The following SLC1A1 variants were observed in gnomAD, a reference collection of about 807,000 sequenced individuals.
SLC1A1 encodes the protein excitatory amino acid transporter 3.
A neutral mutation model predicts 53.3 loss-of-function variants in SLC1A1; 43 were observed. The observed-to-expected ratio is 0.81, with a 90% CI of 0.63 to 1.04. SLC1A1 has a LOEUF of 1.04. Among genes scored for constraint, SLC1A1 ranks in the 50% least tolerant of loss-of-function variants. The pLI is 0.00. For missense variants in SLC1A1, 748 were observed against 664.9 expected (o/e 1.12, Z -1.37); for synonymous variants, 307 against 243.2 (o/e 1.26, Z -2.44).
chr9:4,562,973 TG>T (rs1819107988), intron 3 of SLC1A1, among the ~76,000 whole-genome samples: 1 of 57,628 alleles, frequency 1.7e-5, no homozygotes, highest in African/African-American at 7.0e-5. Context: ...TGTTGTGGGG[TG>T]GGGGGAGGGG....
chr9:4,547,013 G>A (rs1225015718), intron 2 of SLC1A1, among the ~76,000 whole-genome samples: 3 of 152,196 alleles, frequency 2.0e-5, no homozygotes, highest in Admixed American at 6.5e-5. Flanking sequence ...CCCAAAACTC[G>A]AGGTAAAACA....
chr9:4,586,080 A>G lies in SLC1A1; in HGVS notation c.*522A>G, dbSNP rs1821549767. ...AACTTATCTCCAGCCAATTTCAAAGAAAACAGACCAGCATAGTTCTGCAAT... is the reference window on the plus strand; with the variant it reads ...AACTTATCTCCAGCCAATTTCAAAGGAAACAGACCAGCATAGTTCTGCAAT... On this transcript the variant is annotated 3_prime_UTR_variant, in exon 12 of 12. Transcript: ENST00000262352. 1 of 187,070 alleles carries G rather than the reference A, an allele frequency of 5.3e-6. No homozygotes were observed. Among genetic ancestry groups the G allele is most frequent in the Admixed American group, 5.4e-5 (1 of 18,402 alleles). 11.6% of individuals were successfully genotyped at this position (187,070 alleles called of 1,614,324 possible). A position where few individuals can be genotyped will look rare whatever the true frequency, so the allele number is the denominator to read the frequency against.
At chr9:4,510,094 A>G (rs1563999149) in intron 1 of SLC1A1, among the ~76,000 whole-genome samples, 1 of 152,304 alleles carries the variant, frequency 6.6e-6, no homozygotes, top group African/African-American at 2.4e-5. Flanking sequence ...TTGGCCTCCC[A>G]AAGTGCTGGG....
At chr9:4,506,210 G>C (rs1020679049) in intron 1 of SLC1A1, among the ~76,000 whole-genome samples, 1 of 152,190 alleles carries the variant, frequency 6.6e-6, no homozygotes, top group African/African-American at 2.4e-5. Context: ...ACCTGCCTCA[G>C]CCTCCCAAAG....
chr9:4,544,636 T>C lies in SLC1A1; in HGVS notation c.161T>C (p.Phe54Ser), dbSNP rs181233102. The C allele has an allele frequency of 4.3e-6, 7 of 1,613,762 alleles. No individual in the cohort carries two copies. In the Admixed American group the frequency reaches 1.2e-4, roughly 27 times the overall value. ...LSTLEKFYFA[F>S]PGEILMRMLK... ...ACTCTAGAGAAATTCTACTTTGCTT[T>C]TCCTGGAGAAATTCTAATGCGGATG... is the stretch of plus-strand genomic sequence containing the variant. Residue 54 changes from phenylalanine (F) to serine (S), a missense_variant, in exon 2 of 12, where the codon TTT (phenylalanine) becomes TCT (serine). Physicochemically the swap from Phe to Ser is radical, Grantham distance 155. Transcript: ENST00000262352.
intron 3 of SLC1A1, among the ~76,000 whole-genome samples, chr9:4,563,407 T>C (rs1439951001): frequency 1.3e-5 from 2 of 152,148 alleles, no homozygotes. Context: ...ACTGCTCTCT[T>C]ATTAGCTGGA....
intron 5 of SLC1A1, among the ~76,000 whole-genome samples, chr9:4,566,863 C>T (rs11792309): frequency 0.35 from 53,327 of 151,956 alleles, 10,162 homozygotes; most frequent in Middle Eastern, 0.51. Context: ...CAGCTGAGTC[C>T]ATCACAAACT....
intron 8 of SLC1A1, among the ~76,000 whole-genome samples, chr9:4,575,213 C>T (rs895890041): frequency 6.6e-6 from 1 of 152,094 alleles, no homozygotes; most frequent in Non-Finnish European, 1.5e-5. Context: ...TTTTTGATGG[C>T]CATTTCCTAT....
chr9:4,529,391 A>T (rs1816383886), intron 1 of SLC1A1, among the ~76,000 whole-genome samples: 1 of 152,176 alleles, frequency 6.6e-6, no homozygotes, highest in South Asian at 2.1e-4. Context: ...CCTTTGCAGT[A>T]GTCTTACGAA....
intron 1 of SLC1A1, among the ~76,000 whole-genome samples, chr9:4,507,690 G>A (rs1820850614): frequency 6.6e-6 from 1 of 152,140 alleles, no homozygotes; most frequent in African/African-American, 2.4e-5. Context: ...GAATGTTGTG[G>A]AGACCCAGGT....
intron 2 of SLC1A1, among the ~76,000 whole-genome samples, chr9:4,544,908 G>A (rs532082965): frequency 2.6e-5 from 4 of 152,318 alleles, no homozygotes; most frequent in African/African-American, 7.2e-5. Flanking sequence ...GTGGCAGGAA[G>A]GAGAAAGGCT....
intron 4 of SLC1A1, among the ~76,000 whole-genome samples, chr9:4,565,550 C>G (rs1396159459): frequency 2.0e-5 from 3 of 152,148 alleles, no homozygotes; most frequent in Non-Finnish European, 4.4e-5. Context: ...CACACACTTT[C>G]TAACAACCAG....
intron 10 of SLC1A1, among the ~76,000 whole-genome samples, chr9:4,581,033 A>G (rs796872807): frequency 1.1e-4 from 16 of 152,324 alleles, no homozygotes; most frequent in African/African-American, 3.8e-4. Flanking sequence ...CCTTACGTGT[A>G]TTAACCTCAT....
chr9:4,516,763 C>T (rs1821174583), intron 1 of SLC1A1, among the ~76,000 whole-genome samples: 1 of 152,204 alleles, frequency 6.6e-6, no homozygotes, highest in Admixed American at 6.5e-5. Context: ...TAGTTTAACA[C>T]ACGGTTTATC....
At chr9:4,543,825 C>T (rs1817223957) in intron 1 of SLC1A1, among the ~76,000 whole-genome samples, 1 of 151,814 alleles carries the variant, frequency 6.6e-6, no homozygotes, top group African/African-American at 2.4e-5. Flanking sequence ...TACAAATATA[C>T]CATAAAAAGT....
chr9:4,574,775 T>G (rs1820390026), intron 8 of SLC1A1, among the ~76,000 whole-genome samples: 1 of 152,160 alleles, frequency 6.6e-6, no homozygotes, highest in African/African-American at 2.4e-5. Flanking sequence ...CTCTCACAAG[T>G]CAATACCTAC....
At chr9:4,519,697 G>T (rs951376501) in intron 1 of SLC1A1, among the ~76,000 whole-genome samples, 2 of 152,170 alleles carry the variant, frequency 1.3e-5, no homozygotes, top group African/African-American at 4.8e-5. Flanking sequence ...CTCTTTAACT[G>T]ATGAGGATAC....
chr9:4,510,255 C>G (rs1820955908), intron 1 of SLC1A1, among the ~76,000 whole-genome samples: 2 of 152,216 alleles, frequency 1.3e-5, no homozygotes, highest in Admixed American at 1.3e-4. Context: ...CTGCTGTTCA[C>G]ACAAGCCTAG....
intron 2 of SLC1A1, among the ~76,000 whole-genome samples, chr9:4,548,870 C>T (rs1376220678): frequency 2.0e-5 from 3 of 152,036 alleles, no homozygotes; most frequent in East Asian, 1.9e-4. Flanking sequence ...AGAATCCTAC[C>T]GATAAATTAC....
Sources: allele counts gnomAD v4.1 joint callset (sites outside exome capture counted in the v4.1 genomes callset), GRCh38; gene constraint gnomAD v4.1.1; transcripts MANE v1.5; gene names NCBI Gene and HGNC (gene_info 2026-07-23, HGNC 2026-07-21).